FAT3: variants seen among roughly 807,000 people sequenced by gnomAD.
FAT3 encodes protocadherin Fat 3.
FAT3 carries 95 observed loss-of-function variants against 310.2 expected under a neutral mutation model. That is an observed-to-expected ratio of 0.31 (90% CI 0.26 to 0.36). The LOEUF (loss-of-function observed/expected upper bound fraction) is 0.36, where lower values mean the gene tolerates loss of function less well. FAT3 is among the 10% of genes least tolerant of loss of function. FAT3 has a pLI of 1.00. For synonymous variants in FAT3, 2,314 were observed against 2,192.9 expected (o/e 1.06, Z -1.54); for missense variants, 5,408 against 5,715.6 (o/e 0.95, Z 1.74).
chr11:92,845,336 G>C (rs1017696118), intron 19 of FAT3, among the ~76,000 whole-genome samples: 3 of 152,248 alleles, frequency 2.0e-5, no homozygotes, highest in Non-Finnish European at 4.4e-5. Context: ...CACAGAGGGT[G>C]TGCTGATTGC....
intron 3 of FAT3, among the ~76,000 whole-genome samples, chr11:92,690,382 A>AG (rs1473112060): frequency 1.3e-5 from 2 of 152,196 alleles, no homozygotes; most frequent in East Asian, 3.9e-4. Context: ...TGCAGGCTTA[A>AG]GCTCCATGGG....
At position 92,774,038 on chromosome 11, in the gene FAT3, CA is replaced by C; in HGVS notation, c.4196-2del. 6.2e-7 allele frequency: 1 copy of C among 1,612,392 alleles called. No homozygotes were observed. The highest frequency in any genetic ancestry group is 8.5e-7 in the Non-Finnish European group (1 of 1,179,292). On this transcript the variant is annotated splice_acceptor_variant, in intron 6 of 27. Transcript: ENST00000525166. LOFTEE classifies it high-confidence loss of function. ...TAATTTCATGTTTCTGTGAAATCAT[CA>C]GGGGGGAATTTTGACAGCGCTTTTG...
intron 2 of FAT3, among the ~76,000 whole-genome samples, chr11:92,449,928 A>T (rs1387240849): frequency 6.6e-6 from 1 of 152,156 alleles, no homozygotes; most frequent in Non-Finnish European, 1.5e-5. Flanking sequence ...TTCCCCTTCC[A>T]CAACATGGGC....
intron 1 of FAT3, among the ~76,000 whole-genome samples, chr11:92,286,770 A>G (rs1317249808): frequency 6.6e-6 from 1 of 152,196 alleles, no homozygotes; most frequent in Non-Finnish European, 1.5e-5. Context: ...GGCATCTGTT[A>G]GAGAAAAGCG....
chr11:92,857,447 C>T, intron 20 of FAT3, 99 bp downstream of exon 20: 4 of 1,516,638 alleles, frequency 2.6e-6, no homozygotes, highest in Non-Finnish European at 3.6e-6. Context: ...GAAAACGTTT[C>T]TTTATGCATG....
intron 17 of FAT3, among the ~76,000 whole-genome samples, chr11:92,838,046 C>T (rs182728047): frequency 1.2e-3 from 188 of 152,248 alleles, no homozygotes; most frequent in Admixed American, 4.7e-3. Flanking sequence ...TCTCTCCCCA[C>T]AACAACACTG....
intron 3 of FAT3, among the ~76,000 whole-genome samples, chr11:92,528,063 A>G (rs763868402): frequency 5.3e-5 from 8 of 152,370 alleles, no homozygotes; most frequent in Non-Finnish European, 1.2e-4. Context: ...GCCAAGATGT[A>G]TGATATACAG....
intron 3 of FAT3, among the ~76,000 whole-genome samples, chr11:92,551,074 C>G (rs937338708): frequency 7.9e-5 from 12 of 151,942 alleles, no homozygotes; most frequent in Admixed American, 5.3e-4. Flanking sequence ...AGTGTTGATA[C>G]CTGTCCACCC....
Position 92,771,871 on chromosome 11 carries a change from C to T in FAT3, c.4196-2170C>T, listed in dbSNP as rs1238381896. Among the ~76,000 whole-genome samples the T allele has an allele frequency of 2.6e-5, 4 of 151,900 alleles. No homozygotes were observed. The East Asian group carries it at 5.8e-4, about 22-fold the overall frequency. Reference sequence around the variant, plus strand: ...TATGTAAATGTTATACCACTAAGCACGTGCGATGATTATGTATTTTTATAC... The same window carrying T: ...TATGTAAATGTTATACCACTAAGCATGTGCGATGATTATGTATTTTTATAC... On this transcript the variant is annotated intron_variant, in intron 6 of 27. Coordinates refer to ENST00000525166, the MANE Select transcript of FAT3 (RefSeq NM_001367949.2).
At chr11:92,435,294 G>T (rs938734851) in intron 2 of FAT3, among the ~76,000 whole-genome samples, 16 of 152,120 alleles carry the variant, frequency 1.1e-4, no homozygotes, top group Non-Finnish European at 1.5e-5. Context: ...TTAAGCTATT[G>T]CTATCAGGTG....
At chr11:92,797,498 G>A (rs1370418509) in intron 9 of FAT3, among the ~76,000 whole-genome samples, 1 of 152,180 alleles carries the variant, frequency 6.6e-6, no homozygotes, top group Non-Finnish European at 1.5e-5. Context: ...CTGGAAATAA[G>A]GAAGTCCTAT....
intron 7 of FAT3, 55 bp downstream of exon 7, chr11:92,774,235 G>T (rs1238038833): frequency 2.0e-6 from 3 of 1,512,590 alleles, no homozygotes; most frequent in Non-Finnish European, 2.7e-6. Flanking sequence ...CCAAAGTCAG[G>T]GGTGCAAGCA....
chr11:92,720,081 T>C (rs1944818983), intron 4 of FAT3, among the ~76,000 whole-genome samples: 1 of 152,200 alleles, frequency 6.6e-6, no homozygotes, highest in Admixed American at 6.5e-5. Flanking sequence ...ACGTCATTTA[T>C]GACCGGAACT....
chr11:92,711,180 CAT>C (rs1387900170), intron 4 of FAT3, among the ~76,000 whole-genome samples: 3 of 152,118 alleles, frequency 2.0e-5, no homozygotes, highest in Non-Finnish European at 4.4e-5. Flanking sequence ...TATGTATACA[CAT>C]ATATTTCATA....
chr11:92,253,010 AC>A (rs1253171689), intron 1 of FAT3, among the ~76,000 whole-genome samples: 1 of 151,958 alleles, frequency 6.6e-6, no homozygotes, highest in East Asian at 1.9e-4. Flanking sequence ...TGACTATCAC[AC>A]TGAGACCACT....
At position 92,844,678 on chromosome 11, in the gene FAT3, C is replaced by G. The variant is rs200507277; in HGVS notation, c.11311C>G (p.Arg3771Gly). The G allele has an allele frequency of 1.3e-6, 2 of 1,594,246 alleles. No individual in the cohort carries two copies. Among genetic ancestry groups the G allele is most frequent in the African/African-American group, 2.7e-5 (2 of 74,738 alleles). The change falls in exon 19 of 28, where the codon CGC (arginine) becomes GGC (glycine). Residue 3771 changes from arginine (R) to glycine (G), a missense_variant. Physicochemically the swap from Arg to Gly is moderately radical, Grantham distance 125. Coordinates refer to ENST00000525166, the MANE Select transcript of FAT3 (RefSeq NM_001367949.2). ...SHALMTYSTA[R>G]ISFVCPRFYR... is the part of the protein sequence containing the mutation. ...CGCGCTCATGACCTACAGCACGGCT[C>G]GCATCAGCTTTGTGTGTCCGCGTTT...
chr11:92,349,980 A>G (rs1260455487), intron 1 of FAT3, among the ~76,000 whole-genome samples: 3 of 117,010 alleles, frequency 2.6e-5, no homozygotes, highest in South Asian at 2.4e-4. Flanking sequence ...GGTGGAGCTG[A>G]AAAAAAAAAA....
At chr11:92,313,184 C>T (rs1947353252) in intron 1 of FAT3, among the ~76,000 whole-genome samples, 1 of 152,150 alleles carries the variant, frequency 6.6e-6, no homozygotes, top group African/African-American at 2.4e-5. Context: ...GTGATTTCCT[C>T]CCAGAGAAAC....
chr11:92,607,321 G>A (rs897333817), intron 3 of FAT3, among the ~76,000 whole-genome samples: 9 of 151,868 alleles, frequency 5.9e-5, no homozygotes, highest in Non-Finnish European at 1.2e-4. Flanking sequence ...AGGAAGGGGG[G>A]TGGGGGGAAA....
Sources: gnomAD v4.1 joint callset for allele counts (sites outside exome capture counted in the v4.1 genomes callset) on GRCh38, gnomAD v4.1.1 for gene constraint, MANE v1.5 for transcripts, NCBI Gene and HGNC (gene_info 2026-07-23, HGNC 2026-07-21) for gene names.